CHMP3: variants seen among roughly 807,000 people sequenced by gnomAD.
The protein encoded by CHMP3 is 25.1 protein.
A neutral mutation model predicts 27.4 loss-of-function variants in CHMP3; 8 were observed. The observed-to-expected ratio is 0.29, with a 90% CI of 0.17 to 0.53. The LOEUF (loss-of-function observed/expected upper bound fraction) is 0.53. Among genes scored for constraint, CHMP3 ranks in the 20% least tolerant of loss-of-function variants. The pLI is 0.96. For synonymous variants in CHMP3, 86 were observed against 85.5 expected (o/e 1.01, Z -0.03); for missense variants, 208 against 271.5 (o/e 0.77, Z 1.64).
At position 86,542,254 on chromosome 2, in the gene CHMP3, C is replaced by T. The variant is rs144255258; in HGVS notation, c.104G>A (p.Arg35Lys). 931 of 1,613,342 alleles carry T rather than the reference C, an allele frequency of 5.8e-4. 1 individual carries two copies. The highest frequency in any genetic ancestry group is 6.5e-4 in the Non-Finnish European group (763 of 1,179,506). Residue 35 changes from arginine (R) to lysine (K), a missense_variant and splice_region_variant, in exon 2 of 6, where the codon AGG becomes AAG. By Grantham distance (26) the Arg-to-Lys change is conservative. Around this residue, in one of 3 missense-constraint regions of CHMP3, gnomAD observed 52 missense variants for 43.5 expected, o/e 1.19. Coordinates refer to ENST00000263856, the MANE Select transcript of CHMP3 (RefSeq NM_016079.4). The stretch of plus-strand genomic sequence containing the variant: ...GAAGACATAAAATGATAACTTACCC[C>T]TTATTTGCCTGTCAACAACTCTCAT... Reference protein sequence around the residue: ...KEMRVVDRQIRDIQREEEKVK... With the variant: ...KEMRVVDRQIKDIQREEEKVK...
chr2:86,553,872 T>C (rs1677008257), intron 1 of CHMP3, among the ~76,000 whole-genome samples: 1 of 152,178 alleles, frequency 6.6e-6, no homozygotes, highest in African/African-American at 2.4e-5. Context: ...AGCTGAAAAA[T>C]ATATATCAAA....
chr2:86,542,335 A>G, intron 1 of CHMP3, 23 bp from the exon 2 acceptor site: 1 of 1,611,390 alleles, frequency 6.2e-7, no homozygotes, highest in Non-Finnish European at 8.5e-7. Flanking sequence ...TTAGAAAAGG[A>G]ATGAGGAGAA....
chr2:86,520,558 G>A (rs775259254), intron 3 of CHMP3, among the ~76,000 whole-genome samples: 1 of 152,094 alleles, frequency 6.6e-6, no homozygotes, highest in Non-Finnish European at 1.5e-5. Flanking sequence ...ATGAGATTTA[G>A]GTGCAGACAC....
intron 4 of CHMP3, among the ~76,000 whole-genome samples, chr2:86,508,616 AG>A (rs1674976835): frequency 6.6e-6 from 1 of 152,196 alleles, no homozygotes; most frequent in African/African-American, 2.4e-5. Flanking sequence ...TGGTGATTCA[AG>A]GAGCAGAAGG....
At chr2:86,517,350 A>T (rs1000576479) in intron 3 of CHMP3, among the ~76,000 whole-genome samples, 9 of 151,356 alleles carry the variant, frequency 5.9e-5, no homozygotes, top group African/African-American at 1.9e-4. Flanking sequence ...GCAGATCATG[A>T]GGTCAGGAGA....
At chr2:86,531,446 A>G (rs1375510834) in intron 2 of CHMP3, among the ~76,000 whole-genome samples, 4 of 152,174 alleles carry the variant, frequency 2.6e-5, no homozygotes, top group Non-Finnish European at 5.9e-5. Context: ...ATTATAGCAC[A>G]TTACAGCTTC....
Position 86,505,939 on chromosome 2 carries a change from G to A in CHMP3, c.534C>T (p.Gly178=), listed in dbSNP as rs200677628. The change falls in exon 6 of 6, where the codon GGC becomes GGT. Residue 178 remains glycine, a synonymous_variant. Transcript: ENST00000263856. ...CATCAGTCACTTTACTGGGTGCTTTGCCCAAGGCCCCTGAAAAGAAAGAGC... is the reference window on the plus strand; with the variant it reads ...CATCAGTCACTTTACTGGGTGCTTTACCCAAGGCCCCTGAAAAGAAAGAGC... ...ILFEITAGAL[G]KAPSKVTDAL... is the part of the protein sequence containing the mutation. The A allele has an allele frequency of 1.9e-6, 3 of 1,561,718 alleles. No individual in the cohort carries two copies. Among genetic ancestry groups the A allele is most frequent in the Non-Finnish European group, 2.6e-6 (3 of 1,150,788 alleles).
In CHMP3 at chr2:86,504,454, G is replaced by A. The variant is rs1458826229; in HGVS notation, c.*1350C>T. ...AATAATTTTTTAACTACACTCTGAA[G>A]ATGAAATCAAGAGTAATAGGAGGGT... On this transcript the variant is annotated 3_prime_UTR_variant, in exon 6 of 6. Transcript: ENST00000263856. The A allele has an allele frequency of 6.7e-6, 1 of 149,188 alleles. No individual in the cohort carries two copies. Among genetic ancestry groups the A allele is most frequent in the African/African-American group, 2.5e-5 (1 of 40,336 alleles). The allele number at this position is 149,188 out of a possible 1,614,324, so 9.2% of individuals were successfully genotyped here.
chr2:86,527,713 C>T (rs1471662137), intron 3 of CHMP3, among the ~76,000 whole-genome samples: 1 of 152,070 alleles, frequency 6.6e-6, no homozygotes, highest in Non-Finnish European at 1.5e-5. Context: ...GTAATCCCAG[C>T]ACTTTGCAGA....
chr2:86,536,761 A>C (rs1278646318), intron 2 of CHMP3, among the ~76,000 whole-genome samples: 2 of 152,208 alleles, frequency 1.3e-5, no homozygotes, highest in Non-Finnish European at 2.9e-5. Flanking sequence ...AAATCTAGGA[A>C]GTTTTTAGCC....
At chr2:86,530,514 A>G (rs1675879740) in intron 2 of CHMP3, among the ~76,000 whole-genome samples, 1 of 152,188 alleles carries the variant, frequency 6.6e-6, no homozygotes, top group Admixed American at 6.5e-5. Context: ...ATTTTGTAGC[A>G]TATGTCAGAA....
At position 86,516,170 on chromosome 2, in the gene CHMP3, A is replaced by G. The variant is rs549488307; in HGVS notation, c.287-5691T>C. 4.0e-5 allele frequency among the ~76,000 whole-genome samples: 6 copies of G among 151,658 alleles called. No individual in the cohort carries two copies. The East Asian group carries it at 7.7e-4, about 19-fold the overall frequency. Reference sequence around the variant, plus strand: ...TCAAAAAAAAAAAAAAAAAAGAAAAAAAAATTTATATGGCAAAAAGTGGGG... The same window carrying G: ...TCAAAAAAAAAAAAAAAAAAGAAAAGAAAATTTATATGGCAAAAAGTGGGG... On this transcript the variant is annotated intron_variant, in intron 3 of 5. Transcript: ENST00000263856.
At chr2:86,540,249 A>G (rs1676310988) in intron 2 of CHMP3, among the ~76,000 whole-genome samples, 3 of 152,070 alleles carry the variant, frequency 2.0e-5, no homozygotes. Flanking sequence ...ATGTTTGAAA[A>G]ACATTCAGCT....
chr2:86,549,343 G>A (rs4832041), intron 1 of CHMP3, among the ~76,000 whole-genome samples: 54,199 of 141,188 alleles, frequency 0.38, 12,490 homozygotes, highest in East Asian at 0.77. Flanking sequence ...ATGGGCGGCC[G>A]GGCAGAGACG....
At chr2:86,545,549 CCGGG>C (rs1676549443) in intron 1 of CHMP3, among the ~76,000 whole-genome samples, 1 of 109,532 alleles carries the variant, frequency 9.1e-6, no homozygotes, top group Admixed American at 8.8e-5. Flanking sequence ...GGGGCGACTG[CCGGG>C]CAGAGGCGCT....
intron 2 of CHMP3, among the ~76,000 whole-genome samples, chr2:86,531,244 A>G (rs1313972480): frequency 1.3e-5 from 2 of 152,130 alleles, no homozygotes; most frequent in African/African-American, 2.4e-5. Flanking sequence ...CCTGGGCTCA[A>G]GCAATCTACC....
Position 86,505,790 on chromosome 2 carries a change from G to A in CHMP3, c.*14C>T, listed in dbSNP as rs941194475. ...TGAGAGGAGTGTGTGCACACCCAGC[G>A]GGGTAGGCAGCCCCTAGCTGCGGAG... On this transcript the variant is annotated 3_prime_UTR_variant, in exon 6 of 6. Coordinates refer to ENST00000263856, the MANE Select transcript of CHMP3 (RefSeq NM_016079.4). 1.4e-5 allele frequency: 22 copies of A among 1,563,702 alleles called. No homozygotes were observed. The highest frequency in any genetic ancestry group is 2.4e-5 in the South Asian group (2 of 84,848).
At chr2:86,523,400 T>C (rs1675586720) in intron 3 of CHMP3, among the ~76,000 whole-genome samples, 1 of 152,194 alleles carries the variant, frequency 6.6e-6, no homozygotes, top group South Asian at 2.1e-4. Flanking sequence ...TAAATATCCA[T>C]TTGATTATTA....
At chr2:86,548,755 C>T (rs1435250193) in intron 1 of CHMP3, among the ~76,000 whole-genome samples, 2 of 151,938 alleles carry the variant, frequency 1.3e-5, no homozygotes. Flanking sequence ...AGAGGCACTC[C>T]TCACTTCCCA....
Sources: allele counts gnomAD v4.1 joint callset (sites outside exome capture counted in the v4.1 genomes callset), GRCh38; gene constraint gnomAD v4.1.1; regional missense constraint gnomAD v4.1.1; transcripts MANE v1.5; gene names NCBI Gene and HGNC (gene_info 2026-07-23, HGNC 2026-07-21).